The following NTRK1 variants were observed in gnomAD, a reference collection of about 807,000 sequenced individuals.
The protein encoded by NTRK1 is neurotrophic receptor tyrosine kinase 1, also known as high affinity nerve growth factor receptor.
NTRK1 carries 62 observed loss-of-function variants against 86.8 expected under a neutral mutation model. The observed-to-expected ratio is 0.71, with a 90% CI of 0.58 to 0.88. The LOEUF (loss-of-function observed/expected upper bound fraction) is 0.88, where lower values mean the gene tolerates loss of function less well. Among genes scored for constraint, NTRK1 ranks in the 40% least tolerant of loss-of-function variants. NTRK1 has a pLI of 0.00. For missense variants in NTRK1, 967 were observed against 1,078.4 expected (o/e 0.90, Z 1.45); for synonymous variants, 469 against 456.6 (o/e 1.03, Z -0.35).
At chr1:156,849,110 C>T in intron 2 of NTRK1, 2 of 1,597,894 alleles carry the variant, frequency 1.3e-6, no homozygotes, top group South Asian at 2.2e-5. Context: ...CCCACCCTGA[C>T]CCCGCGGCAT....
intron 2 of NTRK1, among the ~76,000 whole-genome samples, chr1:156,846,956 G>C (rs746282989): frequency 3.9e-5 from 6 of 152,186 alleles, no homozygotes; most frequent in Non-Finnish European, 7.3e-5. Context: ...AGTGAAATTT[G>C]TAATGATATA....
In NTRK1 at chr1:156,846,217, C is replaced by T. The variant is rs562866276; in HGVS notation, c.50+4024C>T. 1.0e-5 allele frequency: 13 copies of T among 1,279,026 alleles called. No individual in the cohort carries two copies. The South Asian group carries it at 1.6e-4, about 16-fold the overall frequency. 79.2% of individuals were successfully genotyped at this position (1,279,026 alleles called of 1,614,324 possible). ...CTTTCTGGGGTCCAACAGCCTTGTTCTCCCAAAGAATAGGTGATCCTCACC... is the reference window on the plus strand; with the variant it reads ...CTTTCTGGGGTCCAACAGCCTTGTTTTCCCAAAGAATAGGTGATCCTCACC... On this transcript the variant is annotated intron_variant, in intron 2 of 16. Transcript: ENST00000392302.
chr1:156,880,429 T>C, intron 16 of NTRK1: 1 of 533,188 alleles, frequency 1.9e-6, no homozygotes, highest in Non-Finnish European at 3.4e-6. Context: ...CAGACCCCCA[T>C]CCCTAGCTGC....
rs143029478 is a variant in NTRK1, at chr1:156,869,191, T to C, written c.717+544T>C. Among the ~76,000 whole-genome samples, 905 of 152,258 alleles carry C rather than the reference T, an allele frequency of 5.9e-3. 10 individuals carry two copies. Among genetic ancestry groups the C allele is most frequent in the African/African-American group, 0.02 (844 of 41,546 alleles). ...GGTTCAAGCGATTCTGCGATTCTCC[T>C]GCCTCAGCCTCCCGAGTAGCTGGGA... On this transcript the variant is annotated intron_variant, in intron 6 of 16. Transcript: ENST00000524377.
chr1:156,867,841 G>T (rs188917782), intron 4 of NTRK1, among the ~76,000 whole-genome samples: 3 of 150,540 alleles, frequency 2.0e-5, no homozygotes, highest in Non-Finnish European at 4.4e-5. Flanking sequence ...GCCTGGCTAA[G>T]TTTTTGCATT....
chr1:156,874,507 TG>T, intron 9 of NTRK1, 63 bp from the exon 10 acceptor site: 1 of 1,612,366 alleles, frequency 6.2e-7, no homozygotes, highest in South Asian at 1.1e-5. Flanking sequence ...GGGCCAGGGT[TG>T]GGGGGTTACT....
chr1:156,855,176 T>TTATCTATCTATG (rs1655363579), intron 2 of NTRK1, among the ~76,000 whole-genome samples: 1 of 143,462 alleles, frequency 7.0e-6, no homozygotes, highest in South Asian at 2.4e-4. Context: ...CCATCCAATT[T>TTATCTATCTATG]TATCTATCTA....
At chr1:156,838,374 G>GTTTTT (rs372028318) in intron 1 of NTRK1, among the ~76,000 whole-genome samples, 2 of 145,582 alleles carry the variant, frequency 1.4e-5, no homozygotes. Context: ...CCAGCTACAG[G>GTTTTT]CTTTTTTTTT....
In NTRK1 at chr1:156,873,751, T is replaced by C. The variant is rs542786663; in HGVS notation, c.969T>C (p.Asn323=). The C allele has an allele frequency of 1.1e-5, 17 of 1,612,274 alleles. No individual in the cohort carries two copies. The South Asian group carries it at 1.7e-4, about 16-fold the overall frequency. The change falls in exon 8 of 17, where the codon AAT becomes AAC. Residue 323 remains asparagine, a synonymous_variant. Transcript: ENST00000524377. ...GGCTCTTCAATGGCTCCGTGCTCAA[T>C]GAGACCAGCTTCATCTTCACTGAGT... is the stretch of plus-strand genomic sequence containing the variant. The part of the protein sequence containing the change: ...LRWLFNGSVL[N]ETSFIFTEFL...
intron 1 of NTRK1, among the ~76,000 whole-genome samples, chr1:156,818,752 T>C (rs1459583045): frequency 2.0e-5 from 3 of 152,240 alleles, no homozygotes; most frequent in Non-Finnish European, 2.9e-5. Flanking sequence ...GTTTCATATC[T>C]TTGCAATTGC....
chr1:156,816,783 C>A (rs12753240), intron 1 of NTRK1: 39,183 of 1,368,508 alleles, frequency 0.029, 733 homozygotes, highest in Non-Finnish European at 0.035. Flanking sequence ...CTCAGCAACT[C>A]ATCATCTCTC....
chr1:156,876,516 C>G lies in NTRK1; in HGVS notation c.1749C>G (p.Arg583=), dbSNP rs2102919758. Residue 583 remains arginine, a synonymous_variant, in exon 14 of 17, where the codon CGC becomes CGG. Coordinates refer to ENST00000524377, the MANE Select transcript of NTRK1 (RefSeq NM_002529.4). ...VRFFGVCTEG[R]PLLMVFEYMR... is the part of the protein sequence containing the mutation. ...TCTTCGGCGTCTGCACCGAGGGCCG[C>G]CCCCTGCTCATGGTCTTTGAGTATA... is the stretch of plus-strand genomic sequence containing the variant. The G allele has an allele frequency of 6.2e-7, 1 of 1,613,452 alleles. No individual in the cohort carries two copies. Among genetic ancestry groups the G allele is most frequent in the East Asian group, 2.2e-5 (1 of 44,894 alleles).
chr1:156,820,088 A>G (rs921108127), intron 1 of NTRK1, among the ~76,000 whole-genome samples: 1 of 152,158 alleles, frequency 6.6e-6, no homozygotes, highest in African/African-American at 2.4e-5. Context: ...GTTATCTTCT[A>G]GAATTTTTAT....
chr1:156,857,281 C>T (rs1655444032), upstream of NTRK1, among the ~76,000 whole-genome samples: 1 of 152,056 alleles, frequency 6.6e-6, no homozygotes, highest in Non-Finnish European at 1.5e-5. Context: ...ACTTCTATCC[C>T]TTCCAGGCAA....
Position 156,879,223 on chromosome 1 carries a change from C to T in NTRK1, c.1907C>T (p.Ala636Val), listed in dbSNP as rs771421920. Residue 636 changes from alanine to valine, a missense_variant, in exon 15 of 17, where the codon GCG becomes GTG. By Grantham distance (64) the Ala-to-Val change is moderately conservative. This residue lies in a region of NTRK1 where 637 missense variants were observed against 776.5 expected (regional missense o/e 0.82). Coordinates refer to ENST00000524377, the MANE Select transcript of NTRK1 (RefSeq NM_002529.4). ...CTGGCCGTGGCTAGCCAGGTCGCTGCGGGGATGGTGTACCTGGCGGGTCTG... is the reference window on the plus strand; with the variant it reads ...CTGGCCGTGGCTAGCCAGGTCGCTGTGGGGATGGTGTACCTGGCGGGTCTG... ...QLLAVASQVA[A>V]GMVYLAGLHF... is the part of the protein sequence containing the mutation. 1.3e-5 allele frequency: 21 copies of T among 1,613,900 alleles called. No homozygotes were observed. Among genetic ancestry groups the T allele is most frequent in the South Asian group, 4.4e-5 (4 of 91,088 alleles).
chr1:156,835,385 A>G (rs1436329365), intron 1 of NTRK1, among the ~76,000 whole-genome samples: 1 of 152,188 alleles, frequency 6.6e-6, no homozygotes, highest in East Asian at 1.9e-4. Flanking sequence ...GGGCGCCTAT[A>G]AGGCTCTGTG....
intron 1 of NTRK1, chr1:156,841,046 G>A: frequency 6.3e-7 from 1 of 1,595,948 alleles, no homozygotes; most frequent in Non-Finnish European, 8.5e-7. Flanking sequence ...TCCAGAATGT[G>A]TGTGAAAGAT....
intron 2 of NTRK1, chr1:156,849,208 T>A (rs1179992415): frequency 6.2e-7 from 1 of 1,608,542 alleles, no homozygotes; most frequent in African/African-American, 1.3e-5. Context: ...GTCTAGTGTG[T>A]GGCCGCGTGT....
At chr1:156,827,744 A>C (rs1241303827) in intron 1 of NTRK1, among the ~76,000 whole-genome samples, 1 of 152,100 alleles carries the variant, frequency 6.6e-6, no homozygotes, top group Non-Finnish European at 1.5e-5. Context: ...GTAACAAAAG[A>C]AGTGAAATAG....
Sources: allele counts gnomAD v4.1 joint callset (sites outside exome capture counted in the v4.1 genomes callset), GRCh38; gene constraint gnomAD v4.1.1; regional missense constraint gnomAD v4.1.1; transcripts MANE v1.5; gene names NCBI Gene and HGNC (gene_info 2026-07-23, HGNC 2026-07-21).